FNDC3A: variants seen among roughly 807,000 people sequenced by gnomAD.
FNDC3A encodes fibronectin type-III domain-containing protein 3A.
FNDC3A carries 32 observed loss-of-function variants against 148.9 expected under a neutral mutation model. That is an observed-to-expected ratio of 0.21 (90% CI 0.16 to 0.29). The LOEUF is 0.29. Among genes scored for constraint, FNDC3A ranks in the 10% least tolerant of loss-of-function variants. The pLI, the probability that FNDC3A is intolerant of heterozygous loss-of-function variation, is 1.00. For missense variants in FNDC3A, 1,191 were observed against 1,452.8 expected, an observed-to-expected ratio of 0.82 and a Z score of 2.93; for synonymous variants, 472 against 473.6, an observed-to-expected ratio of 1.00 and a Z score of 0.04.
intron 2 of FNDC3A, among the ~76,000 whole-genome samples, chr13:49,015,931 C>T (rs1430401544): frequency 1.3e-5 from 2 of 151,498 alleles, no homozygotes; most frequent in East Asian, 3.9e-4. Context: ...ATTGAACCAG[C>T]CTTGCATCCC....
At chr13:49,078,089 C>T (rs966037321) in intron 3 of FNDC3A, among the ~76,000 whole-genome samples, 6 of 152,144 alleles carry the variant, frequency 3.9e-5, no homozygotes, top group African/African-American at 1.4e-4. Flanking sequence ...TTAACTAATA[C>T]AGCATTGATC....
chr13:49,159,656 T>A (rs1422508598), intron 8 of FNDC3A, among the ~76,000 whole-genome samples: 1 of 152,218 alleles, frequency 6.6e-6, no homozygotes, highest in African/African-American at 2.4e-5. Context: ...CAACACTATG[T>A]TGAATAGGGG....
intron 1 of FNDC3A, among the ~76,000 whole-genome samples, chr13:48,989,077 C>T (rs1566176133): frequency 6.6e-6 from 1 of 152,114 alleles, no homozygotes; most frequent in East Asian, 1.9e-4. Context: ...CCTCATAATT[C>T]ACAAGGCATT....
At chr13:49,088,435 A>G (rs1010178051) in intron 3 of FNDC3A, among the ~76,000 whole-genome samples, 2 of 152,202 alleles carry the variant, frequency 1.3e-5, no homozygotes, top group Admixed American at 1.3e-4. Flanking sequence ...AATCCATAAC[A>G]GTAGTAACTA....
chr13:49,014,550 C>A (rs1952447569), intron 2 of FNDC3A, among the ~76,000 whole-genome samples: 1 of 147,926 alleles, frequency 6.8e-6, no homozygotes, highest in Non-Finnish European at 1.5e-5. Flanking sequence ...TTGTAGGTTG[C>A]CTGTTCACTC....
At chr13:49,021,144 A>G (rs904831328) in intron 2 of FNDC3A, among the ~76,000 whole-genome samples, 23 of 152,240 alleles carry the variant, frequency 1.5e-4, no homozygotes, top group African/African-American at 4.8e-4. Context: ...ATTAATATAT[A>G]CTGCCAAAAT....
chr13:49,060,468 AC>A (rs927772523), intron 2 of FNDC3A, among the ~76,000 whole-genome samples: 1 of 152,102 alleles, frequency 6.6e-6, no homozygotes, highest in African/African-American at 2.4e-5. Context: ...ACATGGTGAA[AC>A]CCCATCTCCA....
chr13:48,986,212 T>C (rs1951789650), intron 1 of FNDC3A, among the ~76,000 whole-genome samples: 1 of 152,110 alleles, frequency 6.6e-6, no homozygotes, highest in Admixed American at 6.5e-5. Context: ...AACACTTTGC[T>C]TTTTTAAATA....
At chr13:49,075,428 A>C in intron 3 of FNDC3A, 64 bp downstream of exon 3, 1 of 883,520 alleles carries the variant, frequency 1.1e-6, no homozygotes, top group South Asian at 1.4e-5. Flanking sequence ...TATGATACAT[A>C]ATAGTGTATA....
intron 2 of FNDC3A, among the ~76,000 whole-genome samples, chr13:49,049,877 G>A (rs1343649246): frequency 6.6e-6 from 1 of 151,908 alleles, no homozygotes; most frequent in Non-Finnish European, 1.5e-5. Context: ...GTGCCACTAT[G>A]CCCGGCTAAT....
chr13:49,160,505 C>G (rs1465008698), intron 8 of FNDC3A, among the ~76,000 whole-genome samples: 1 of 152,086 alleles, frequency 6.6e-6, no homozygotes, highest in Non-Finnish European at 1.5e-5. Context: ...TGATTCTTCT[C>G]TCTTTTCTTC....
chr13:49,044,664 T>C (rs551148526), intron 2 of FNDC3A: 118 of 225,850 alleles, frequency 5.2e-4, no homozygotes, highest in African/African-American at 2.7e-3. Flanking sequence ...AGTGAGACTC[T>C]GTCTCAAAAA....
intron 13 of FNDC3A, among the ~76,000 whole-genome samples, chr13:49,177,416 G>C (rs1267842671): frequency 6.6e-6 from 1 of 152,106 alleles, no homozygotes; most frequent in Non-Finnish European, 1.5e-5. Flanking sequence ...TTACCTAGAG[G>C]CTAGCTGACC....
At chr13:48,991,609 A>G (rs1951918772) in intron 1 of FNDC3A, among the ~76,000 whole-genome samples, 1 of 151,840 alleles carries the variant, frequency 6.6e-6, no homozygotes, top group Non-Finnish European at 1.5e-5. Context: ...GATTGCTTGA[A>G]CCTGGGAGGT....
chr13:49,089,933 T>G (rs1879074412), intron 3 of FNDC3A, among the ~76,000 whole-genome samples: 1 of 152,172 alleles, frequency 6.6e-6, no homozygotes, highest in Admixed American at 6.5e-5. Context: ...AGATAGGCAG[T>G]TAGTGCTTGT....
chr13:49,130,395 A>G (rs1278112104), intron 4 of FNDC3A, among the ~76,000 whole-genome samples: 1 of 152,150 alleles, frequency 6.6e-6, no homozygotes, highest in Non-Finnish European at 1.5e-5. Context: ...CTAACATGTC[A>G]TTGATTATCT....
intron 8 of FNDC3A, among the ~76,000 whole-genome samples, chr13:49,160,636 C>A (rs1314865940): frequency 2.0e-5 from 3 of 151,644 alleles, no homozygotes; most frequent in Non-Finnish European, 4.4e-5. Flanking sequence ...CTGCTCTGAT[C>A]TTAGTTATTT....
chr13:49,120,228 T>C (rs1213444769), intron 4 of FNDC3A, among the ~76,000 whole-genome samples: 2 of 152,152 alleles, frequency 1.3e-5, no homozygotes, highest in African/African-American at 4.8e-5. Flanking sequence ...GAATTTCATA[T>C]CCAACCAAAC....
At chr13:49,084,072 T>C (rs1167015440) in intron 3 of FNDC3A, among the ~76,000 whole-genome samples, 1 of 152,218 alleles carries the variant, frequency 6.6e-6, no homozygotes, top group Non-Finnish European at 1.5e-5. Flanking sequence ...CTATAAATAG[T>C]ATATCAACTA....
Sources: allele counts gnomAD v4.1 joint callset (sites outside exome capture counted in the v4.1 genomes callset), GRCh38; gene constraint gnomAD v4.1.1; transcripts MANE v1.5; gene names NCBI Gene and HGNC (gene_info 2026-07-23, HGNC 2026-07-21).